The following NEDD4L variants were observed in gnomAD, a reference collection of about 807,000 sequenced individuals.
The protein encoded by NEDD4L is NEDD4 like E3 ubiquitin protein ligase.
A neutral mutation model predicts 148.9 loss-of-function variants in NEDD4L; 54 were observed. The observed-to-expected ratio is 0.36, with a 90% CI of 0.29 to 0.45. The LOEUF is 0.45. NEDD4L is among the 20% of genes least tolerant of loss of function. The pLI, the probability that NEDD4L is intolerant of heterozygous loss-of-function variation, is 1.00. For missense variants in NEDD4L, 856 were observed against 1,233.8 expected (o/e 0.69, Z 4.59); for synonymous variants, 433 against 440.7 (o/e 0.98, Z 0.22).
Position 58,351,026 on chromosome 18 carries a change from A to C in NEDD4L, c.1689A>C (p.Arg563=). The C allele has an allele frequency of 1.1e-5, 18 of 1,594,822 alleles. No homozygotes were observed. Among genetic ancestry groups the C allele is most frequent in the Non-Finnish European group, 1.5e-5 (18 of 1,169,942 alleles). The change falls in exon 18 of 31, where the codon CGA becomes CGC. Residue 563 remains arginine, a synonymous_variant. Transcript: ENST00000400345. The stretch of plus-strand genomic sequence containing the variant: ...AAGAAAGAATTCACTTGGATGGCCG[A>C]ACGTTTTATATTGATCATAGTAAGT... ...GWEERIHLDG[R]TFYIDHNSKI...
chr18:58,243,965 C>T lies in NEDD4L; in HGVS notation c.123-1462C>T, dbSNP rs536623333. On this transcript the variant is annotated intron_variant, in intron 2 of 30. Transcript: ENST00000400345. The stretch of plus-strand genomic sequence containing the variant: ...TGGGTAATAAATACACACGTGAACA[C>T]ACATATGTGTACTAACAATATTTTT... Among the ~76,000 whole-genome samples the T allele has an allele frequency of 3.3e-5, 5 of 152,276 alleles. No individual in the cohort carries two copies. The East Asian group carries it at 9.6e-4, about 29-fold the overall frequency.
chr18:58,063,007 A>C (rs1241614497), intron 1 of NEDD4L, among the ~76,000 whole-genome samples: 2 of 148,102 alleles, frequency 1.4e-5, no homozygotes, highest in Non-Finnish European at 3.0e-5. Flanking sequence ...AAAAAAAAGA[A>C]ATCGAAGGGT....
At chr18:58,112,136 A>G (rs893033541) in intron 1 of NEDD4L, among the ~76,000 whole-genome samples, 1 of 152,242 alleles carries the variant, frequency 6.6e-6, no homozygotes, top group Admixed American at 6.5e-5. Flanking sequence ...GTCCGTGTCA[A>G]CATGTATGTT....
intron 2 of NEDD4L, among the ~76,000 whole-genome samples, chr18:58,174,163 A>C (rs75010441): frequency 0.012 from 1,769 of 152,120 alleles, 30 homozygotes; most frequent in African/African-American, 0.04. Context: ...GAGCAATGGA[A>C]TAGCTCTCGG....
At chr18:58,153,334 C>CTT (rs58164854) in intron 1 of NEDD4L, among the ~76,000 whole-genome samples, 17 of 128,152 alleles carry the variant, frequency 1.3e-4, no homozygotes, top group African/African-American at 2.3e-4. Flanking sequence ...AAGAGATTGA[C>CTT]TTTTTTTTTT....
chr18:58,289,844 T>C (rs1303331511), intron 5 of NEDD4L, among the ~76,000 whole-genome samples: 1 of 152,246 alleles, frequency 6.6e-6, no homozygotes, highest in Non-Finnish European at 1.5e-5. Context: ...CAGCTTTTTA[T>C]AAGTGTTCAA....
rs376519174 is a variant in NEDD4L at position 58,103,902 on chromosome 18, A to C, written c.48+59194A>C. ...CTGTCCTAGAGGACATGACCTTGGC[A>C]AAACAAACAAATTTCACATTAAAGG... On this transcript the variant is annotated intron_variant, in intron 1 of 30. Coordinates refer to ENST00000400345, the MANE Select transcript of NEDD4L (RefSeq NM_001144967.3). Among the ~76,000 whole-genome samples the C allele has an allele frequency of 1.4e-4, 21 of 152,378 alleles. No individual in the cohort carries two copies. The South Asian group carries it at 4.3e-3, about 32-fold the overall frequency.
chr18:58,292,585 A>G (rs918370706), intron 5 of NEDD4L, among the ~76,000 whole-genome samples: 1 of 152,048 alleles, frequency 6.6e-6, no homozygotes, highest in Non-Finnish European at 1.5e-5. Flanking sequence ...CTCACATTAC[A>G]TGCTTATCTT....
intron 2 of NEDD4L, among the ~76,000 whole-genome samples, chr18:58,225,373 A>G (rs2044239563): frequency 6.6e-6 from 1 of 152,224 alleles, no homozygotes; most frequent in Non-Finnish European, 1.5e-5. Flanking sequence ...CAGCTCAGCA[A>G]TGTGGGCGGG....
chr18:58,239,179 A>G (rs994188667), intron 2 of NEDD4L, among the ~76,000 whole-genome samples: 1 of 152,204 alleles, frequency 6.6e-6, no homozygotes, highest in South Asian at 2.1e-4. Flanking sequence ...AGTGCTGTGA[A>G]ATATGCTGCA....
At chr18:58,130,728 G>A (rs1305052776) in intron 1 of NEDD4L, among the ~76,000 whole-genome samples, 2 of 143,410 alleles carry the variant, frequency 1.4e-5, no homozygotes, top group African/African-American at 2.6e-5. Context: ...AACTGTGGCA[G>A]TGTTGGGCTC....
At chr18:58,355,446 A>G (rs1568825696) in intron 18 of NEDD4L, among the ~76,000 whole-genome samples, 1 of 152,250 alleles carries the variant, frequency 6.6e-6, no homozygotes, top group African/African-American at 2.4e-5. Flanking sequence ...GCAGATGTCC[A>G]GGATGGAGCT....
intron 9 of NEDD4L, 77 bp from the exon 10 acceptor site, chr18:58,328,918 G>C: frequency 6.5e-7 from 1 of 1,549,608 alleles, no homozygotes; most frequent in Non-Finnish European, 8.9e-7. Context: ...CTGGCCCTCC[G>C]TGAGCATTGA....
chr18:58,297,267 A>T (rs971940354), intron 5 of NEDD4L, among the ~76,000 whole-genome samples: 1 of 152,146 alleles, frequency 6.6e-6, no homozygotes, highest in Non-Finnish European at 1.5e-5. Context: ...TATTCAGCCT[A>T]CTGTCCCCTA....
chr18:58,396,576 TAATGAC>T lies in NEDD4L; in HGVS notation c.*313_*318del, dbSNP rs369803514. ...CTTAATAAATATTTTACATCCTTTC[TAATGAC>T]AATGAATGGAATTAATCACTCAACA... On this transcript the variant is annotated 3_prime_UTR_variant, in exon 31 of 31. Transcript: ENST00000400345. The T allele has an allele frequency of 1.1e-4, 26 of 229,554 alleles. No individual in the cohort carries two copies. The East Asian group carries it at 2.3e-3, about 20-fold the overall frequency. 14.2% of individuals were successfully genotyped at this position (229,554 alleles called of 1,614,324 possible). A position where few individuals can be genotyped will look rare whatever the true frequency, so the allele number is the denominator to read the frequency against.
chr18:58,128,764 T>G (rs374054859), intron 1 of NEDD4L, among the ~76,000 whole-genome samples: 2 of 152,228 alleles, frequency 1.3e-5, no homozygotes, highest in East Asian at 3.9e-4. Flanking sequence ...AGCAGCACAT[T>G]TAAATGCCTG....
intron 28 of NEDD4L, 168 bp downstream of exon 28, chr18:58,389,360 G>C (rs1300505754): frequency 1.8e-6 from 1 of 552,730 alleles, no homozygotes; most frequent in East Asian, 2.9e-5. Flanking sequence ...GCAGCCCCGT[G>C]GTGGCTCCTC....
chr18:58,151,691 A>T (rs1413742705), intron 1 of NEDD4L, among the ~76,000 whole-genome samples: 1 of 143,630 alleles, frequency 7.0e-6, no homozygotes, highest in Non-Finnish European at 1.5e-5. Context: ...GGTGCTGGAC[A>T]TGTCGGGTAG....
chr18:58,116,259 A>G (rs1434333413), intron 1 of NEDD4L, among the ~76,000 whole-genome samples: 1 of 152,232 alleles, frequency 6.6e-6, no homozygotes, highest in Non-Finnish European at 1.5e-5. Flanking sequence ...TGAGTCACCA[A>G]ATCAACCACA....
Sources: allele counts gnomAD v4.1 joint callset (sites outside exome capture counted in the v4.1 genomes callset), GRCh38; gene constraint gnomAD v4.1.1; transcripts MANE v1.5; gene names NCBI Gene and HGNC (gene_info 2026-07-23, HGNC 2026-07-21).